The following SLC35A4 variants were observed in gnomAD, a reference collection of about 807,000 sequenced individuals.
The protein encoded by SLC35A4 is solute carrier family 35 member A4, also known as probable UDP-sugar transporter protein SLC35A4.
SLC35A4 carries 9 observed loss-of-function variants against 18.8 expected under a neutral mutation model. The observed-to-expected ratio is 0.48, with a 90% CI of 0.29 to 0.83. SLC35A4 has a LOEUF of 0.83. SLC35A4 is among the 40% of genes least tolerant of loss of function. The pLI, the probability that SLC35A4 is intolerant of heterozygous loss-of-function variation, is 0.09. For missense variants in SLC35A4, 404 were observed against 415.5 expected (o/e 0.97, Z 0.24); for synonymous variants, 189 against 191.9 (o/e 0.98, Z 0.13).
intron 1 of SLC35A4, chr5:140,565,263 C>T (rs1289723282): frequency 5.1e-6 from 1 of 195,998 alleles, no homozygotes; most frequent in Non-Finnish European, 1.0e-5. Flanking sequence ...TACTTATATG[C>T]GATCAAAATC....
chr5:140,567,614 C>T lies in SLC35A4; in HGVS notation c.445C>T (p.Leu149=), dbSNP rs1385364760. Residue 149 remains leucine (L), a synonymous_variant, in exon 3 of 3, where the codon CTG becomes TTG. Coordinates refer to ENST00000323146, the MANE Select transcript of SLC35A4 (RefSeq NM_080670.4). The part of the protein sequence containing the change: ...SVRQGLALLL[L]MAAGACYAAG... ...GCGTCAGGGGTTAGCGCTGCTGCTG[C>T]TGATGGCTGCGGGAGCCTGCTATGC... The T allele has an allele frequency of 6.2e-7, 1 of 1,614,220 alleles. No homozygotes were observed. The highest frequency in any genetic ancestry group is 1.1e-5 in the South Asian group (1 of 91,092).
chr5:140,564,960 G>A lies in SLC35A4; in HGVS notation c.-705+102G>A, dbSNP rs1303611471. On this transcript the variant is annotated intron_variant, in intron 1 of 2. Transcript: ENST00000323146. This position sits in a 1 kb window ranked among gnomAD's most constrained non-coding sequence, Gnocchi z 5.0. ...GACTCTGGAGCGGCTCAGGAGTGAG[G>A]ATGTCCCTTGTTTCTTCTGCGGCTC... The A allele has an allele frequency of 2.3e-5, 9 of 399,504 alleles. No homozygotes were observed. Among genetic ancestry groups the A allele is most frequent in the Non-Finnish European group, 3.5e-5 (8 of 226,298 alleles). 24.7% of individuals were successfully genotyped at this position (399,504 alleles called of 1,614,324 possible).
chr5:140,565,668 C>T (rs1755168933), intron 1 of SLC35A4: 1 of 365,278 alleles, frequency 2.7e-6, no homozygotes, highest in Non-Finnish European at 4.9e-6. Flanking sequence ...GGTTCAGATC[C>T]CATCTGTCAG....
rs369577853 is a variant in SLC35A4 at position 140,567,809 on chromosome 5, C to T, written c.640C>T (p.Arg214Trp). The change falls in exon 3 of 3, where the codon CGG becomes TGG. Residue 214 changes from arginine to tryptophan, a missense_variant. Physicochemically the swap from Arg to Trp is moderately radical, Grantham distance 101. Transcript: ENST00000323146. ...VYTELLMKRQ[R>W]LPLALQNLFL... is the part of the protein sequence containing the mutation. ...CACAGAGCTGCTCATGAAGCGACAG[C>T]GGCTGCCCCTGGCACTTCAGAACCT... The T allele has an allele frequency of 1.9e-5, 30 of 1,613,908 alleles. No individual in the cohort carries two copies. The highest frequency in any genetic ancestry group is 6.7e-5 in the African/African-American group (5 of 74,942).
rs76819422 is a variant in SLC35A4 at position 140,568,373 on chromosome 5, C to T, written c.*229C>T. The T allele has an allele frequency of 5.5e-3, 3,473 of 634,474 alleles. 16 individuals are homozygous for T. The highest frequency in any genetic ancestry group is 7.5e-3 in the Non-Finnish European group (2,703 of 361,436). 39.3% of individuals were successfully genotyped at this position (634,474 alleles called of 1,614,324 possible). ...GGTTAAGGAAATGCTTACCATCCCC[C>T]ACCCCCAACCAAGTTCTTCCAGACT... On this transcript the variant is annotated 3_prime_UTR_variant, in exon 3 of 3. Transcript: ENST00000323146.
intron 1 of SLC35A4, chr5:140,565,079 C>T: frequency 2.5e-6 from 1 of 396,350 alleles, no homozygotes; most frequent in East Asian, 3.6e-5. Flanking sequence ...CTCCTGGGAA[C>T]CATCACGAAC....
chr5:140,566,334 C>T (rs899849943), intron 2 of SLC35A4, among the ~76,000 whole-genome samples: 1 of 152,068 alleles, frequency 6.6e-6, no homozygotes, highest in African/African-American at 2.4e-5. Context: ...CCTTGTGTGG[C>T]GGTGGAGTTC....
chr5:140,567,606 T>A lies in SLC35A4; in HGVS notation c.437T>A (p.Leu146Gln), dbSNP rs1444475486. The A allele has an allele frequency of 5.6e-6, 9 of 1,614,090 alleles. No homozygotes were observed. The East Asian group carries it at 8.9e-5, about 16-fold the overall frequency. ...CTCTCTGTGCGTCAGGGGTTAGCGC[T>A]GCTGCTGCTGATGGCTGCGGGAGCC... The part of the protein sequence containing the change: ...HRLSVRQGLA[L>Q]LLLMAAGACY... Residue 146 changes from leucine to glutamine, a missense_variant, in exon 3 of 3, where the codon CTG becomes CAG. Physicochemically the swap from Leu to Gln is moderately radical, Grantham distance 113. Coordinates refer to ENST00000323146, the MANE Select transcript of SLC35A4 (RefSeq NM_080670.4).
Position 140,567,872 on chromosome 5 carries a change from C to A in SLC35A4, c.703C>A (p.Leu235Met). 1 of 1,614,210 alleles carries A rather than the reference C, an allele frequency of 6.2e-7. No individual in the cohort carries two copies. The highest frequency in any genetic ancestry group is 8.5e-7 in the Non-Finnish European group (1 of 1,180,032). ...YTFGVLLNLG[L>M]HAGGGSGPGL... ...TTTTGGTGTGCTTCTGAATCTAGGTCTGCATGCTGGCGGCGGCTCTGGCCC... is the reference window on the plus strand; with the variant it reads ...TTTTGGTGTGCTTCTGAATCTAGGTATGCATGCTGGCGGCGGCTCTGGCCC... Residue 235 changes from leucine (L) to methionine (M), a missense_variant, in exon 3 of 3, where the codon CTG (leucine) becomes ATG (methionine). Leu to Met is a conservative substitution (Grantham distance 15). Transcript: ENST00000323146.
rs147904672 is a variant in SLC35A4 at position 140,568,337 on chromosome 5, A to C, written c.*193A>C. On this transcript the variant is annotated 3_prime_UTR_variant, in exon 3 of 3. Coordinates refer to ENST00000323146, the MANE Select transcript of SLC35A4 (RefSeq NM_080670.4). ...GAAGGGGTACCCCTAGGAGATGTGA[A>C]GTGTGGGTTTGGTTAAGGAAATGCT... 2.8e-5 allele frequency: 24 copies of C among 858,164 alleles called. No homozygotes were observed. The East Asian group carries it at 6.2e-4, about 22-fold the overall frequency. 53.2% of individuals were successfully genotyped at this position (858,164 alleles called of 1,614,324 possible).
Position 140,564,869 on chromosome 5 carries a change from G to A in SLC35A4, c.-705+11G>A, listed in dbSNP as rs1755147633. 1.7e-5 allele frequency: 7 copies of A among 405,712 alleles called. No individual in the cohort carries two copies. The highest frequency in any genetic ancestry group is 4.3e-5 in the Admixed American group (1 of 23,262). 25.1% of individuals were successfully genotyped at this position (405,712 alleles called of 1,614,324 possible). A position where few individuals can be genotyped will look rare whatever the true frequency, so the allele number is the denominator to read the frequency against. ...ATGGCGGATGACAAGGTGAGTGGCCGTGGGGGTGATCTGCAGCCGGGCGTG... is the reference window on the plus strand; with the variant it reads ...ATGGCGGATGACAAGGTGAGTGGCCATGGGGGTGATCTGCAGCCGGGCGTG... On this transcript the variant is annotated intron_variant, in intron 1 of 2. Transcript: ENST00000323146. This position sits in a 1 kb window ranked among gnomAD's most constrained non-coding sequence, Gnocchi z 5.0.
chr5:140,567,935 G>C lies in SLC35A4; in HGVS notation c.766G>C (p.Val256Leu), dbSNP rs140885624. The change falls in exon 3 of 3, where the codon GTG becomes CTG. Residue 256 changes from valine to leucine, a missense_variant. Physicochemically the swap from Val to Leu is conservative, Grantham distance 32. Coordinates refer to ENST00000323146, the MANE Select transcript of SLC35A4 (RefSeq NM_080670.4). ...LEGFSGWAAL[V>L]VLSQALNGLL... Reference sequence around the variant, plus strand: ...AGGTTTCTCAGGATGGGCAGCACTCGTGGTGCTGAGCCAGGCACTAAATGG... The same window carrying C: ...AGGTTTCTCAGGATGGGCAGCACTCCTGGTGCTGAGCCAGGCACTAAATGG... 6.2e-7 allele frequency: 1 copy of C among 1,614,192 alleles called. No individual in the cohort carries two copies. Among genetic ancestry groups the C allele is most frequent in the South Asian group, 1.1e-5 (1 of 91,082 alleles).
chr5:140,565,068 C>T (rs1017363636), intron 1 of SLC35A4: 3 of 396,984 alleles, frequency 7.6e-6, no homozygotes, highest in Non-Finnish European at 1.3e-5. Flanking sequence ...CCAGATGTCC[C>T]CTCCTGGGAA....
In SLC35A4 at chr5:140,567,651, T is replaced by C; in HGVS notation, c.482T>C (p.Leu161Pro). The C allele has an allele frequency of 1.2e-6, 2 of 1,614,070 alleles. No individual in the cohort carries two copies. The highest frequency in any genetic ancestry group is 1.7e-6 in the Non-Finnish European group (2 of 1,180,018). ...AAGACYAAGG[L>P]QVPGNTLPSP... ...GGAGCCTGCTATGCAGCAGGGGGCC[T>C]TCAAGTTCCCGGGAACACCCTTCCC... The change falls in exon 3 of 3, where the codon CTT becomes CCT. Residue 161 changes from leucine to proline, a missense_variant. Physicochemically the swap from Leu to Pro is moderately conservative, Grantham distance 98 (BLOSUM62 -3). Coordinates refer to ENST00000323146, the MANE Select transcript of SLC35A4 (RefSeq NM_080670.4).
In SLC35A4 at chr5:140,567,200, C is replaced by T; in HGVS notation, c.31C>T (p.Leu11=). Residue 11 remains leucine, a synonymous_variant, in exon 3 of 3, where the codon CTG becomes TTG. Transcript: ENST00000323146. MSVEDGGMPG[L]GRPRQARWTL... ...TGTAGAGGATGGGGGTATGCCAGGCCTGGGCCGTCCCAGGCAGGCCCGCTG... is the reference window on the plus strand; with the variant it reads ...TGTAGAGGATGGGGGTATGCCAGGCTTGGGCCGTCCCAGGCAGGCCCGCTG... 6.2e-7 allele frequency: 1 copy of T among 1,613,506 alleles called. No homozygotes were observed. Among genetic ancestry groups the T allele is most frequent in the Non-Finnish European group, 8.5e-7 (1 of 1,179,750 alleles).
intron 1 of SLC35A4, chr5:140,565,067 C>T (rs984991659): frequency 2.5e-6 from 1 of 397,030 alleles, no homozygotes; most frequent in African/African-American, 2.1e-5. Flanking sequence ...CCCAGATGTC[C>T]CCTCCTGGGA....
Position 140,566,894 on chromosome 5 carries a change from G to A in SLC35A4, c.-276G>A. 1 of 621,088 alleles carries A rather than the reference G, an allele frequency of 1.6e-6. No individual in the cohort carries two copies. 38.5% of individuals were successfully genotyped at this position (621,088 alleles called of 1,614,324 possible). A position where few individuals can be genotyped will look rare whatever the true frequency, so the allele number is the denominator to read the frequency against. ...CACCTTCATCCTTGCCTCCCTTCCT[G>A]CAGATTGTGGACAGTAGTTCCTCAG... On this transcript the variant is annotated 5_prime_UTR_variant, in exon 3 of 3. Transcript: ENST00000323146.
Position 140,568,314 on chromosome 5 carries a change from AG to A in SLC35A4, c.*174del. On this transcript the variant is annotated 3_prime_UTR_variant, in exon 3 of 3. Transcript: ENST00000323146. Reference sequence around the variant, plus strand: ...TTATTCTCTGGAGGTTGGTGGATGAAGGGGTACCCCTAGGAGATGTGAAGTG... The same window carrying A: ...TTATTCTCTGGAGGTTGGTGGATGAAGGGTACCCCTAGGAGATGTGAAGTG... The A allele has an allele frequency of 9.4e-7, 1 of 1,060,048 alleles. No individual in the cohort carries two copies. The highest frequency in any genetic ancestry group is 1.4e-6 in the Non-Finnish European group (1 of 731,502). 65.7% of individuals were successfully genotyped at this position (1,060,048 alleles called of 1,614,324 possible). A position where few individuals can be genotyped will look rare whatever the true frequency, so the allele number is the denominator to read the frequency against.
Position 140,567,321 on chromosome 5 carries a change from C to T in SLC35A4, c.152C>T (p.Ser51Phe), listed in dbSNP as rs569809932. Residue 51 changes from serine to phenylalanine, a missense_variant, in exon 3 of 3, where the codon TCC (serine) becomes TTC (phenylalanine). By Grantham distance (155) the Ser-to-Phe change is radical. Coordinates refer to ENST00000323146, the MANE Select transcript of SLC35A4 (RefSeq NM_080670.4). ...GACGGCCGAGTGCCCTTCCGGCCCT[C>T]CTCAGCCGTGCTGCTGACTGAGCTG... The part of the protein sequence containing the change: ...HVDGRVPFRP[S>F]SAVLLTELTK... The T allele has an allele frequency of 7.1e-5, 115 of 1,614,178 alleles. 2 individuals are homozygous for T. In the South Asian group the frequency reaches 1.1e-3, roughly 15 times the overall value.
Sources: gnomAD v4.1 joint callset for allele counts (sites outside exome capture counted in the v4.1 genomes callset) on GRCh38, gnomAD v4.1.1 for gene constraint, Gnocchi (gnomAD v3.1) non-coding constraint, MANE v1.5 for transcripts, NCBI Gene and HGNC (gene_info 2026-07-23, HGNC 2026-07-21) for gene names.